Variants in RBMS3 observed in about 807,000 individuals in gnomAD.
The protein encoded by RBMS3 is RNA binding motif single stranded interacting protein 3.
RBMS3 carries 27 observed loss-of-function variants against 66.8 expected under a neutral mutation model. That is an observed-to-expected ratio of 0.40 (90% CI 0.30 to 0.56). The LOEUF (loss-of-function observed/expected upper bound fraction) is 0.56, where lower values mean the gene tolerates loss of function less well. RBMS3 is among the 20% of genes least tolerant of loss of function. RBMS3 has a pLI of 0.40. For synonymous variants in RBMS3, 188 were observed against 183.0 expected, an observed-to-expected ratio of 1.03 and a Z score of -0.22; for missense variants, 513 against 549.5, an observed-to-expected ratio of 0.93 and a Z score of 0.66.
chr3:29,864,977 G>A, intron 6 of RBMS3, among the ~76,000 whole-genome samples: 1 of 123,442 alleles, frequency 8.1e-6, no homozygotes, highest in African/African-American at 3.2e-5. Context: ...AGGAAGGGAG[G>A]GAGGGAGGAA....
chr3:29,957,145 C>A (rs948274386), intron 12 of RBMS3, among the ~76,000 whole-genome samples: 21 of 152,086 alleles, frequency 1.4e-4, no homozygotes, highest in African/African-American at 4.8e-4. Context: ...AGTTTTCTCT[C>A]CCCTTAGGTG....
At chr3:29,788,424 A>C (rs1057414904) in intron 6 of RBMS3, among the ~76,000 whole-genome samples, 2 of 151,790 alleles carry the variant, frequency 1.3e-5, no homozygotes, top group African/African-American at 4.8e-5. Context: ...ACGGGGTTTC[A>C]TTGTGTTATC....
At chr3:30,001,799 T>C (rs1699626498) in intron 14 of RBMS3, among the ~76,000 whole-genome samples, 2 of 151,212 alleles carry the variant, frequency 1.3e-5, no homozygotes, top group Non-Finnish European at 1.5e-5. Context: ...TTTTATTATT[T>C]ATTTTATTTA....
chr3:29,625,460 G>A (rs910557083), intron 4 of RBMS3, among the ~76,000 whole-genome samples: 36 of 152,120 alleles, frequency 2.4e-4, no homozygotes, highest in African/African-American at 8.4e-4. Flanking sequence ...TTGGGAGGCC[G>A]AGGCAGGTGG....
At chr3:29,520,070 G>C (rs1186385861) in intron 3 of RBMS3, among the ~76,000 whole-genome samples, 1 of 151,974 alleles carries the variant, frequency 6.6e-6, no homozygotes, top group Non-Finnish European at 1.5e-5. Context: ...ATTTTTATTT[G>C]CTAAATCTGG....
intron 11 of RBMS3, among the ~76,000 whole-genome samples, chr3:29,943,532 T>G (rs2061439900): frequency 6.6e-6 from 1 of 151,824 alleles, no homozygotes; most frequent in Non-Finnish European, 1.5e-5. Context: ...AATTAAGCTT[T>G]ATCTAGAATT....
intron 1 of RBMS3, among the ~76,000 whole-genome samples, chr3:29,362,336 A>G (rs961531332): frequency 2.6e-5 from 4 of 152,218 alleles, no homozygotes; most frequent in South Asian, 2.1e-4. Flanking sequence ...TTGCCTGGGT[A>G]TCAGCAGTGG....
chr3:29,679,190 T>A (rs180683135), intron 4 of RBMS3, among the ~76,000 whole-genome samples: 2 of 152,122 alleles, frequency 1.3e-5, no homozygotes, highest in Non-Finnish European at 2.9e-5. Flanking sequence ...GTTTTATGCA[T>A]GATAAAGTTT....
At chr3:29,718,594 G>A (rs752593568) in intron 4 of RBMS3, among the ~76,000 whole-genome samples, 2 of 152,044 alleles carry the variant, frequency 1.3e-5, no homozygotes, top group Non-Finnish European at 2.9e-5. Context: ...TCCATTGGTT[G>A]GAGGTTGCCC....
chr3:29,714,077 G>C (rs570657825), intron 4 of RBMS3, among the ~76,000 whole-genome samples: 13 of 146,932 alleles, frequency 8.8e-5, no homozygotes, highest in South Asian at 2.1e-4. Flanking sequence ...GAAAAGAAAA[G>C]AAAACAAAAA....
At chr3:29,850,105 C>G (rs1409263571) in intron 6 of RBMS3, among the ~76,000 whole-genome samples, 4 of 152,100 alleles carry the variant, frequency 2.6e-5, no homozygotes, top group Non-Finnish European at 5.9e-5. Flanking sequence ...TAGACTGGAT[C>G]TTAGAGGACA....
intron 4 of RBMS3, among the ~76,000 whole-genome samples, chr3:29,645,211 T>C (rs987751989): frequency 2.4e-4 from 37 of 152,214 alleles, no homozygotes; most frequent in Non-Finnish European, 5.9e-5. Context: ...GGAACCTCTA[T>C]GTATTTACAA....
At chr3:29,914,796 G>T (rs2060598307) in intron 10 of RBMS3, among the ~76,000 whole-genome samples, 2 of 151,896 alleles carry the variant, frequency 1.3e-5, no homozygotes, top group African/African-American at 4.8e-5. Context: ...AAGTCTAGCA[G>T]TTGATGTAAA....
chr3:29,596,089 G>A (rs2047933715), intron 4 of RBMS3, among the ~76,000 whole-genome samples: 2 of 152,196 alleles, frequency 1.3e-5, no homozygotes, highest in South Asian at 4.1e-4. Flanking sequence ...CTTTCCATAA[G>A]AAAGTAGAAG....
At chr3:29,775,286 A>G (rs2056387756) in intron 6 of RBMS3, among the ~76,000 whole-genome samples, 1 of 150,372 alleles carries the variant, frequency 6.7e-6, no homozygotes, top group African/African-American at 2.4e-5. Flanking sequence ...TTGGTAAACA[A>G]GCATTCAGGC....
intron 1 of RBMS3, among the ~76,000 whole-genome samples, chr3:29,371,755 G>C (rs1414136524): frequency 6.6e-6 from 1 of 152,088 alleles, no homozygotes; most frequent in Non-Finnish European, 1.5e-5. Context: ...AAGGTCCAGA[G>C]TAAAGATAGA....
At chr3:29,551,884 T>C (rs909894152) in intron 3 of RBMS3, among the ~76,000 whole-genome samples, 1 of 152,164 alleles carries the variant, frequency 6.6e-6, no homozygotes. Flanking sequence ...AAAAGAAAGA[T>C]AGAAAGGTTT....
chr3:29,284,006 T>C (rs2032047325), intron 1 of RBMS3, among the ~76,000 whole-genome samples: 1 of 152,150 alleles, frequency 6.6e-6, no homozygotes. Context: ...CATGTTTCAG[T>C]GTAACAGGAA....
At chr3:29,304,618 G>T (rs1461138142) in intron 1 of RBMS3, among the ~76,000 whole-genome samples, 1 of 151,956 alleles carries the variant, frequency 6.6e-6, no homozygotes, top group African/African-American at 2.4e-5. Context: ...CTGGTCACAA[G>T]TACCAGCAAT....
Sources: gnomAD v4.1 joint callset for allele counts (sites outside exome capture counted in the v4.1 genomes callset) on GRCh38, gnomAD v4.1.1 for gene constraint, MANE v1.5 for transcripts, NCBI Gene and HGNC (gene_info 2026-07-23, HGNC 2026-07-21) for gene names.